PLOD3: variants seen among roughly 807,000 people sequenced by gnomAD.
PLOD3 encodes the protein procollagen-lysine,2-oxoglutarate 5-dioxygenase 3.
In PLOD3, 73 loss-of-function variants were observed where a neutral mutation model predicts 96.9. The observed-to-expected ratio is 0.75, with a 90% CI of 0.62 to 0.92. The LOEUF (loss-of-function observed/expected upper bound fraction) is 0.92, where lower values mean the gene tolerates loss of function less well. PLOD3 is among the 40% of genes least tolerant of loss of function. PLOD3 has a pLI of 0.00. For synonymous variants in PLOD3, 454 were observed against 413.7 expected, an observed-to-expected ratio of 1.10 and a Z score of -1.18; for missense variants, 1,004 against 1,004.3, an observed-to-expected ratio of 1.00 and a Z score of 0.00.
At chr7:101,211,441 A>G in intron 12 of PLOD3, 150 bp downstream of exon 12, 2 of 751,612 alleles carry the variant, frequency 2.7e-6, no homozygotes, top group Non-Finnish European at 4.2e-6. Flanking sequence ...TCAGCCTCCC[A>G]AAGTGGTGGC....
chr7:101,214,762 G>A (rs528580905), intron 6 of PLOD3, among the ~76,000 whole-genome samples: 322 of 152,246 alleles, frequency 2.1e-3, no homozygotes, highest in African/African-American at 7.4e-3. Context: ...ACTTGAACCC[G>A]GGAGGTGGAG....
At chr7:101,215,768 C>A in intron 5 of PLOD3, 140 bp downstream of exon 5, 1 of 700,258 alleles carries the variant, frequency 1.4e-6, no homozygotes, top group South Asian at 1.5e-5. Context: ...TCCCAAAAGT[C>A]TTGGATGACA....
chr7:101,208,993 C>T (rs542473087), intron 15 of PLOD3, 36 bp from the exon 16 acceptor site: 236 of 1,421,286 alleles, frequency 1.7e-4, no homozygotes, highest in South Asian at 1.5e-3. Flanking sequence ...GGCTAGCTGA[C>T]GCCGCAGAAC....
Position 101,217,177 on chromosome 7 carries a change from G to T in PLOD3, c.98C>A (p.Pro33Gln). ...SASDRPRGRD[P>Q]VNPEKLLVIT... ...CCCCGGGATCTCACCTGGGTTGACC[G>T]GGTCTCGGCCCCGGGGCCGGTCGGA... The change falls in exon 1 of 19, where the codon CCG (proline) becomes CAG (glutamine). Residue 33 changes from proline (P) to glutamine (Q), a missense_variant. By Grantham distance (76) the Pro-to-Gln change is moderately conservative. This residue lies in a region of PLOD3 where 690 missense variants were observed against 650.2 expected (regional missense o/e 1.06). Transcript: ENST00000223127. 1 of 1,488,398 alleles carries T rather than the reference G, an allele frequency of 6.7e-7. No individual in the cohort carries two copies. The allele number at this position is 1,488,398 out of a possible 1,614,324, so 92.2% of individuals were successfully genotyped here.
At chr7:101,209,013 G>T in intron 15 of PLOD3, 56 bp from the exon 16 acceptor site, 1 of 1,268,594 alleles carries the variant, frequency 7.9e-7, no homozygotes, top group Non-Finnish European at 1.2e-6. Flanking sequence ...CGGGGAAGGG[G>T]ACAGGCAGCA....
At chr7:101,211,759 C>T (rs781281985) in intron 11 of PLOD3, 43 bp from the exon 12 acceptor site, 1 of 1,593,776 alleles carries the variant, frequency 6.3e-7, no homozygotes, top group Admixed American at 1.8e-5. Context: ...CGGGAGCAGG[C>T]CTGGGGAGCC....
intron 17 of PLOD3, 108 bp downstream of exon 17, chr7:101,207,470 T>C (rs1798107025): frequency 1.7e-6 from 2 of 1,209,422 alleles, no homozygotes; most frequent in South Asian, 2.7e-5. Flanking sequence ...GGAACTAAAA[T>C]GCATGGAGCC....
At position 101,206,094 on chromosome 7, in the gene PLOD3, CG is replaced by C; in HGVS notation, c.*186del. On this transcript the variant is annotated 3_prime_UTR_variant, in exon 19 of 19. Transcript: ENST00000223127. ...AACCCCTGTGGGCGGAGGAGAGAGG[CG>C]GGGACTCCGGGAGCTTCCTGAGAGG... 4 of 685,122 alleles carry C rather than the reference CG, an allele frequency of 5.8e-6. No homozygotes were observed. The highest frequency in any genetic ancestry group is 7.8e-6 in the Non-Finnish European group (3 of 382,556). The allele number at this position is 685,122 out of a possible 1,614,324, so 42.4% of individuals were successfully genotyped here.
chr7:101,210,721 T>A, intron 12 of PLOD3, 48 bp from the exon 13 acceptor site: 1 of 1,608,404 alleles, frequency 6.2e-7, no homozygotes, highest in Non-Finnish European at 8.5e-7. Context: ...CCCCCCAAAT[T>A]CTGCCCAGCT....
intron 2 of PLOD3, 46 bp downstream of exon 2, chr7:101,216,649 C>G (rs763799959): frequency 6.2e-7 from 1 of 1,605,652 alleles, no homozygotes; most frequent in South Asian, 1.1e-5. Context: ...CTTCAGCCCA[C>G]CCCTCCTGCT....
intron 6 of PLOD3, among the ~76,000 whole-genome samples, chr7:101,214,080 G>T (rs916002177): frequency 6.6e-6 from 1 of 150,704 alleles, no homozygotes; most frequent in Non-Finnish European, 1.5e-5. Context: ...TGATCTGCCC[G>T]CCTCAGCCTT....
rs1546841 is a variant in PLOD3, at chr7:101,212,542, G to C, written c.993C>G (p.Phe331Leu). ...AGGGGAGTCTCACGTTGTTGTGCAGGAAAAGGGTGACCCTGTCGGGGGGAT... is the reference window on the plus strand; with the variant it reads ...AGGGGAGTCTCACGTTGTTGTGCAGCAAAAGGGTGACCCTGTCGGGGGGAT... ...LDYPPDRVTLFLHNNEVFHEP... is the reference protein window; with the variant it reads ...LDYPPDRVTLLLHNNEVFHEP... The change falls in exon 9 of 19, where the codon TTC becomes TTG. Residue 331 changes from phenylalanine to leucine, a missense_variant. By Grantham distance (22) the Phe-to-Leu change is conservative (BLOSUM62 0). Around this residue, in one of 5 missense-constraint regions of PLOD3, gnomAD observed 690 missense variants for 650.2 expected, o/e 1.06. Coordinates refer to ENST00000223127, the MANE Select transcript of PLOD3 (RefSeq NM_001084.5). 2.6e-5 allele frequency: 42 copies of C among 1,613,750 alleles called. No individual in the cohort carries two copies. The highest frequency in any genetic ancestry group is 3.2e-5 in the Non-Finnish European group (38 of 1,179,922).
chr7:101,208,545 C>T lies in PLOD3; in HGVS notation c.1788+308G>A, dbSNP rs567246281. 31 of 371,096 alleles carry T rather than the reference C, an allele frequency of 8.4e-5. 2 individuals carry two copies. The highest frequency in any genetic ancestry group is 6.5e-4 in the South Asian group (31 of 47,782). 23.0% of individuals were successfully genotyped at this position (371,096 alleles called of 1,614,324 possible). A position where few individuals can be genotyped will look rare whatever the true frequency, so the allele number is the denominator to read the frequency against. On this transcript the variant is annotated intron_variant, in intron 16 of 18. Transcript: ENST00000223127. The stretch of plus-strand genomic sequence containing the variant: ...CGTGAGCCACCGCACCTGGCCCAAA[C>T]TCGGCTAATTTTTAAATTTTTTGTA...
At chr7:101,211,459 G>T in intron 12 of PLOD3, 132 bp downstream of exon 12, 1 of 905,772 alleles carries the variant, frequency 1.1e-6, no homozygotes, top group Non-Finnish European at 1.6e-6. Flanking sequence ...GGCATCAAAA[G>T]TGTGAGCCAC....
At chr7:101,211,108 T>A (rs1024159393) in intron 12 of PLOD3, 7 of 221,618 alleles carry the variant, frequency 3.2e-5, no homozygotes, top group Non-Finnish European at 6.4e-5. Flanking sequence ...CTCGAACTCC[T>A]GACCTCGAGT....
At chr7:101,212,739 G>A in intron 8 of PLOD3, 84 bp from the exon 9 acceptor site, 2 of 1,597,716 alleles carry the variant, frequency 1.3e-6, no homozygotes, top group African/African-American at 1.3e-5. Context: ...GACAGGTGCA[G>A]GGACCCAGGA....
intron 6 of PLOD3, chr7:101,213,472 C>T (rs1798220062): frequency 3.8e-6 from 2 of 527,156 alleles, no homozygotes; most frequent in Non-Finnish European, 6.8e-6. Flanking sequence ...GGAGCCTCAG[C>T]ATCCCTACCC....
rs779880576 is a variant in PLOD3, at chr7:101,215,930, A to G, written c.593T>C (p.Leu198Pro). The G allele has an allele frequency of 3.1e-6, 5 of 1,613,094 alleles. No individual in the cohort carries two copies. Among genetic ancestry groups the G allele is most frequent in the Non-Finnish European group, 4.2e-6 (5 of 1,179,120 alleles). ...TACCCTCAGTCCTGGGTCCAGGTAG[A>G]GCCGTGTGTAGAACAGCTGGTCGTC... ...DDDDQLFYTR[L>P]YLDPGLREKL... The change falls in exon 5 of 19, where the codon CTC becomes CCC. Residue 198 changes from leucine (L) to proline (P), a missense_variant. This residue lies in a region of PLOD3 where 690 missense variants were observed against 650.2 expected (regional missense o/e 1.06). Coordinates refer to ENST00000223127, the MANE Select transcript of PLOD3 (RefSeq NM_001084.5).
chr7:101,207,028 G>A (rs1371326823), intron 17 of PLOD3, 124 bp from the exon 18 acceptor site: 18 of 1,184,896 alleles, frequency 1.5e-5, no homozygotes, highest in Admixed American at 2.4e-5. Flanking sequence ...GCAGTGGTGC[G>A]ATCTTGGCTC....
Sources: allele counts gnomAD v4.1 joint callset (sites outside exome capture counted in the v4.1 genomes callset), GRCh38; gene constraint gnomAD v4.1.1; regional missense constraint gnomAD v4.1.1; transcripts MANE v1.5; gene names NCBI Gene and HGNC (gene_info 2026-07-23, HGNC 2026-07-21).